The following CYP27C1 variants were observed in gnomAD, a reference collection of about 807,000 sequenced individuals.
The protein encoded by CYP27C1 is cytochrome P450 family 27 subfamily C member 1.
CYP27C1 carries 29 observed loss-of-function variants against 40.6 expected under a neutral mutation model. The ratio of observed to expected loss-of-function variants is 0.71; its 90% CI spans 0.53 to 0.97. The LOEUF is 0.97. Among genes scored for constraint, CYP27C1 ranks in the 50% least tolerant of loss-of-function variants. The probability of loss-of-function intolerance (pLI) is 0.00; values close to 1 mark genes in which losing one functional copy is unlikely to be tolerated. For synonymous variants in CYP27C1, 198 were observed against 186.8 expected, an observed-to-expected ratio of 1.06 and a Z score of -0.49; for missense variants, 390 against 485.8, an observed-to-expected ratio of 0.80 and a Z score of 1.85.
At chr2:127,189,271 A>G (rs982102329) in intron 8 of CYP27C1, among the ~76,000 whole-genome samples, 8 of 150,810 alleles carry the variant, frequency 5.3e-5, no homozygotes, top group African/African-American at 9.8e-5. Context: ...CCTGATTTTA[A>G]GGGAACACAT....
In CYP27C1 at chr2:127,195,724, A is replaced by G. The variant is rs1682888592; in HGVS notation, c.1048-223T>C. On this transcript the variant is annotated intron_variant, in intron 5 of 8. Transcript: ENST00000664447. The surrounding 1 kb of genome is among the most constrained non-coding windows in gnomAD (Gnocchi z 6.2). The stretch of plus-strand genomic sequence containing the variant: ...TAACTGAACGTATTTGGCAAGTGAC[A>G]TTGACTCTATGATTCATGTGCTCCT... Among the ~76,000 whole-genome samples the G allele has an allele frequency of 6.6e-6, 1 of 152,266 alleles. No homozygotes were observed.
At chr2:127,191,249 T>A (rs573055418) in intron 8 of CYP27C1, among the ~76,000 whole-genome samples, 2 of 151,990 alleles carry the variant, frequency 1.3e-5, no homozygotes, top group Non-Finnish European at 2.9e-5. Context: ...AAAAAAATAA[T>A]AAAATAAAAT....
chr2:127,218,812 T>C lies in CYP27C1; in HGVS notation c.282+1177A>G, dbSNP rs1683492138. Among the ~76,000 whole-genome samples, 1 of 152,120 alleles carries C rather than the reference T, an allele frequency of 6.6e-6. No homozygotes were observed. Among genetic ancestry groups the C allele is most frequent in the Admixed American group, 6.5e-5 (1 of 15,284 alleles). Reference sequence around the variant, plus strand: ...AAAGCCCCCATACCAGAAATAACAGTGCGTGCTGGGCCGGGCACCCGGGGA... The same window carrying C: ...AAAGCCCCCATACCAGAAATAACAGCGCGTGCTGGGCCGGGCACCCGGGGA... On this transcript the variant is annotated intron_variant, in intron 1 of 8. Coordinates refer to ENST00000664447, the MANE Select transcript of CYP27C1 (RefSeq NM_001367502.1). This position sits in a 1 kb window ranked among gnomAD's most constrained non-coding sequence, Gnocchi z 6.0.
chr2:127,199,896 G>A (rs1234436221), intron 4 of CYP27C1, among the ~76,000 whole-genome samples: 1 of 152,174 alleles, frequency 6.6e-6, no homozygotes, highest in African/African-American at 2.4e-5. Context: ...GAAAATGAGT[G>A]GAGGGGAAAA....
chr2:127,187,204 G>C lies in CYP27C1; in HGVS notation c.*67C>G. On this transcript the variant is annotated 3_prime_UTR_variant, in exon 9 of 9. Transcript: ENST00000664447. ...GCTTTCCTTCTCCACGGTGATCAGC[G>C]AACACAAATACCCACTGTGTGTCGG... is the stretch of plus-strand genomic sequence containing the variant. The C allele has an allele frequency of 1.9e-6, 2 of 1,051,176 alleles. No individual in the cohort carries two copies. The highest frequency in any genetic ancestry group is 3.2e-5 in the African/African-American group (1 of 30,806). 65.1% of individuals were successfully genotyped at this position (1,051,176 alleles called of 1,614,324 possible). A position where few individuals can be genotyped will look rare whatever the true frequency, so the allele number is the denominator to read the frequency against.
chr2:127,204,555 G>GAAAA (rs1490579476), intron 2 of CYP27C1, among the ~76,000 whole-genome samples: 1 of 39,152 alleles, frequency 2.6e-5, no homozygotes, highest in African/African-American at 9.5e-5. Flanking sequence ...GAGAGAGAGA[G>GAAAA]AGAAAGAAAG....
rs550712197 is a variant in CYP27C1 at position 127,204,623 on chromosome 2, A to C, written c.474-1052T>G. Among the ~76,000 whole-genome samples, 591 of 95,174 alleles carry C rather than the reference A, an allele frequency of 6.2e-3. 6 individuals carry two copies. The highest frequency in any genetic ancestry group is 0.024 in the African/African-American group (564 of 23,850). 62.4% of individuals were successfully genotyped at this position (95,174 alleles called of 152,430 possible). A position where few individuals can be genotyped will look rare whatever the true frequency, so the allele number is the denominator to read the frequency against. ...AAAGAAAGAAAGAAAGAAAGAAAGA[A>C]AGAAGACTGCAGCTTGTTACCAGGG... is the stretch of plus-strand genomic sequence containing the variant. On this transcript the variant is annotated intron_variant, in intron 2 of 8. Coordinates refer to ENST00000664447, the MANE Select transcript of CYP27C1 (RefSeq NM_001367502.1).
At chr2:127,204,475 AGAAAGAAAGAAAGGAAG>A (rs1683139555) in intron 2 of CYP27C1, among the ~76,000 whole-genome samples, 5 of 82,782 alleles carry the variant, frequency 6.0e-5, no homozygotes, top group Non-Finnish European at 1.0e-4. Context: ...AAAGAAAGAA[AGAAAGAAAGAAAGGAAG>A]GAAGGAAGGA....
intron 8 of CYP27C1, among the ~76,000 whole-genome samples, chr2:127,190,633 C>T (rs1682746066): frequency 6.7e-6 from 1 of 148,900 alleles, no homozygotes; most frequent in South Asian, 2.3e-4. Flanking sequence ...AGCCACAGTG[C>T]CTGGCTTTTT....
chr2:127,203,405 C>G lies in CYP27C1; in HGVS notation c.640G>C (p.Val214Leu). Residue 214 changes from valine to leucine, a missense_variant, in exon 3 of 9, where the codon GTC becomes CTC. Coordinates refer to ENST00000664447, the MANE Select transcript of CYP27C1 (RefSeq NM_001367502.1). ...GAATATTTGAAGAAAAGATCATTGA[C>G]ATTGGTCACGGTTTCTCCATCTTCT... is the stretch of plus-strand genomic sequence containing the variant. ...QAEDGETVTN[V>L]NDLFFKYSME... 1.2e-6 allele frequency: 2 copies of G among 1,613,522 alleles called. No individual in the cohort carries two copies. Among genetic ancestry groups the G allele is most frequent in the Non-Finnish European group, 1.7e-6 (2 of 1,179,914 alleles).
intron 8 of CYP27C1, 101 bp from the exon 9 acceptor site, chr2:127,187,488 A>G: frequency 1.9e-6 from 2 of 1,026,566 alleles, no homozygotes; most frequent in Admixed American, 3.8e-5. Context: ...ACTGGGCTGC[A>G]GAGAGCGCAG....
At position 127,195,627 on chromosome 2, in the gene CYP27C1, T is replaced by C. The variant is rs1682885573; in HGVS notation, c.1048-126A>G. The C allele has an allele frequency of 1.2e-6, 1 of 840,448 alleles. No homozygotes were observed. The highest frequency in any genetic ancestry group is 1.7e-5 in the African/African-American group (1 of 58,258). The allele number at this position is 840,448 out of a possible 1,614,324, so 52.1% of individuals were successfully genotyped here. A position where few individuals can be genotyped will look rare whatever the true frequency, so the allele number is the denominator to read the frequency against. On this transcript the variant is annotated intron_variant, in intron 5 of 8. Coordinates refer to ENST00000664447, the MANE Select transcript of CYP27C1 (RefSeq NM_001367502.1). This position sits in a 1 kb window ranked among gnomAD's most constrained non-coding sequence, Gnocchi z 6.2. ...ACAAAGTCAAACTCATCCAATTCCA[T>C]ATAGCACCTAATGTCTTACTAAAAA... is the stretch of plus-strand genomic sequence containing the variant.
chr2:127,210,957 C>T (rs1184534304), intron 1 of CYP27C1, among the ~76,000 whole-genome samples: 2 of 152,072 alleles, frequency 1.3e-5, no homozygotes, highest in Admixed American at 1.3e-4. Flanking sequence ...GACAGATCAG[C>T]GAGACAGAAA....
rs1459345482 is a variant in CYP27C1, at chr2:127,209,186, A to T, written c.283-3096T>A. Among the ~76,000 whole-genome samples the T allele has an allele frequency of 6.6e-6, 1 of 152,208 alleles. No homozygotes were observed. The highest frequency in any genetic ancestry group is 1.9e-4 in the East Asian group (1 of 5,204). On this transcript the variant is annotated intron_variant, in intron 1 of 8. Coordinates refer to ENST00000664447, the MANE Select transcript of CYP27C1 (RefSeq NM_001367502.1). The surrounding 1 kb of genome is among the most constrained non-coding windows in gnomAD (Gnocchi z 4.1). ...TGCTGCACTTCAGCCTCCTTGAGTG[A>T]CATCTCCAGGCACAGGAGCAAATCA...
In CYP27C1 at chr2:127,201,802, C is replaced by T. The variant is rs1683041294; in HGVS notation, c.674-471G>A. Among the ~76,000 whole-genome samples the T allele has an allele frequency of 6.6e-6, 1 of 152,174 alleles. No individual in the cohort carries two copies. Among genetic ancestry groups the T allele is most frequent in the Non-Finnish European group, 1.5e-5 (1 of 68,024 alleles). The stretch of plus-strand genomic sequence containing the variant: ...CCACCTGGCCACTGGGGATCGCCTT[C>T]CAGCCACTTGCCCAACTTGAGGAAT... On this transcript the variant is annotated intron_variant, in intron 3 of 8. Coordinates refer to ENST00000664447, the MANE Select transcript of CYP27C1 (RefSeq NM_001367502.1). The surrounding 1 kb of genome is among the most constrained non-coding windows in gnomAD (Gnocchi z 6.0).
rs575788689 is a variant in CYP27C1 at position 127,205,291 on chromosome 2, A to C, written c.473+609T>G. ...TGGTGGCTGTATTTCTCCCCAATTT[A>C]TGTATAAGGACATAGATATCAAAAG... is the stretch of plus-strand genomic sequence containing the variant. On this transcript the variant is annotated intron_variant, in intron 2 of 8. Coordinates refer to ENST00000664447, the MANE Select transcript of CYP27C1 (RefSeq NM_001367502.1). 3.3e-5 allele frequency among the ~76,000 whole-genome samples: 5 copies of C among 152,324 alleles called. No homozygotes were observed. The East Asian group carries it at 9.7e-4, about 29-fold the overall frequency.
Position 127,184,391 on chromosome 2 carries a change from C to G in CYP27C1, c.*2880G>C, listed in dbSNP as rs1415353385. The G allele has an allele frequency of 6.6e-6, 1 of 151,856 alleles. No individual in the cohort carries two copies. Among genetic ancestry groups the G allele is most frequent in the African/African-American group, 2.4e-5 (1 of 41,276 alleles). 9.4% of individuals were successfully genotyped at this position (151,856 alleles called of 1,614,324 possible). ...CTTCATCTGTAACAGTTCTCCTCTC[C>G]CCTTGGTTTTTTTTTTGCTTTTTGG... On this transcript the variant is annotated 3_prime_UTR_variant, in exon 9 of 9. Transcript: ENST00000664447.
intron 5 of CYP27C1, among the ~76,000 whole-genome samples, chr2:127,197,058 T>C (rs557310987): frequency 1.3e-5 from 2 of 152,354 alleles, no homozygotes; most frequent in East Asian, 3.9e-4. Context: ...TGTAGGATGC[T>C]AAAAGGAACA....
intron 7 of CYP27C1, 36 bp downstream of exon 7, chr2:127,193,753 C>A: frequency 1.2e-6 from 2 of 1,612,876 alleles, no homozygotes; most frequent in Non-Finnish European, 1.7e-6. Context: ...AACCCCGACC[C>A]GCAAGGCCTG....
Sources: gnomAD v4.1 joint callset for allele counts (sites outside exome capture counted in the v4.1 genomes callset) on GRCh38, gnomAD v4.1.1 for gene constraint, Gnocchi (gnomAD v3.1) non-coding constraint, MANE v1.5 for transcripts, NCBI Gene and HGNC (gene_info 2026-07-23, HGNC 2026-07-21) for gene names.